Variants in TNFRSF8 observed in about 807,000 individuals in gnomAD.
TNFRSF8 encodes the protein tumor necrosis factor receptor superfamily member 8.
TNFRSF8 carries 26 observed loss-of-function variants against 70.8 expected under a neutral mutation model. The ratio of observed to expected loss-of-function variants is 0.37; its 90% confidence interval spans 0.27 to 0.51. TNFRSF8 has a LOEUF of 0.51. Among genes scored for constraint, TNFRSF8 ranks in the 20% least tolerant of loss-of-function variants. The pLI is 0.94. For missense variants in TNFRSF8, 720 were observed against 807.9 expected (o/e 0.89, Z 1.32); for synonymous variants, 356 against 339.2 (o/e 1.05, Z -0.54).
chr1:12,079,950 T>C (rs1255075960), intron 1 of TNFRSF8, among the ~76,000 whole-genome samples: 8 of 25,214 alleles, frequency 3.2e-4, no homozygotes, highest in Admixed American at 6.0e-4. Flanking sequence ...TAATTCTCTA[T>C]TTTTTTTTTT....
intron 14 of TNFRSF8, among the ~76,000 whole-genome samples, chr1:12,140,848 C>A (rs1642239172): frequency 1.3e-5 from 2 of 151,962 alleles, no homozygotes; most frequent in South Asian, 2.1e-4. Context: ...TCTGCCCATC[C>A]CCCTCTGGGC....
At chr1:12,103,676 G>A (rs1307440484) in intron 3 of TNFRSF8, among the ~76,000 whole-genome samples, 1 of 151,918 alleles carries the variant, frequency 6.6e-6, no homozygotes, top group Admixed American at 6.6e-5. Flanking sequence ...ATTTCACCAT[G>A]TTGCCCATGT....
chr1:12,138,158 G>A lies in TNFRSF8; in HGVS notation c.1336-71G>A. On this transcript the variant is annotated intron_variant, in intron 13 of 14. Coordinates refer to ENST00000263932, the MANE Select transcript of TNFRSF8 (RefSeq NM_001243.5). The surrounding 1 kb of genome is among the most constrained non-coding windows in gnomAD (Gnocchi z 5.7). The stretch of plus-strand genomic sequence containing the variant: ...GGTCTGTAGAGATGAAAAAAAAAAG[G>A]GGCCTCCCAGTTCAGAGACTGGTGG... 2 of 1,507,968 alleles carry A rather than the reference G, an allele frequency of 1.3e-6. No homozygotes were observed. Among genetic ancestry groups the A allele is most frequent in the South Asian group, 1.2e-5 (1 of 80,298 alleles). The allele number at this position is 1,507,968 out of a possible 1,614,324, so 93.4% of individuals were successfully genotyped here.
intron 1 of TNFRSF8, among the ~76,000 whole-genome samples, chr1:12,073,474 T>TTCTTTTCTTCTTCCTTCC (rs1569981630): frequency 1.4e-5 from 2 of 147,932 alleles, no homozygotes; most frequent in East Asian, 1.9e-4. Context: ...TTCTTCCTTC[T>TTCTTTTCTTCTTCCTTCC]TCTTTTCTTC....
chr1:12,104,399 C>T lies in TNFRSF8; in HGVS notation c.289C>T (p.Pro97Ser), dbSNP rs752554288. 6.2e-7 allele frequency: 1 copy of T among 1,614,124 alleles called. No homozygotes were observed. The highest frequency in any genetic ancestry group is 2.2e-5 in the East Asian group (1 of 44,878). The stretch of plus-strand genomic sequence containing the variant: ...CTTAGACGACCTCGTGGAGAAGACG[C>T]CGTGTGCATGGAACTCCTCCCGTGT... ...CSRDDLVEKT[P>S]CAWNSSRVCE... The change falls in exon 4 of 15, where the codon CCG becomes TCG. Residue 97 changes from proline to serine, a missense_variant. By Grantham distance (74) the Pro-to-Ser change is moderately conservative (BLOSUM62 -1). Transcript: ENST00000263932.
rs193261498 is a variant in TNFRSF8 at position 12,108,301 on chromosome 1, A to T, written c.422-1265A>T. Among the ~76,000 whole-genome samples the T allele has an allele frequency of 2.0e-3, 304 of 150,410 alleles. 2 individuals are homozygous for T. The highest frequency in any genetic ancestry group is 7.1e-3 in the African/African-American group (292 of 41,048). On this transcript the variant is annotated intron_variant, in intron 4 of 14. Transcript: ENST00000263932. The surrounding 1 kb of genome is among the most constrained non-coding windows in gnomAD (Gnocchi z 4.0). ...CACTATGTTGTCCAGGCTGGTCTCG[A>T]ACTCCTGACCTCATGATCCGCCCAC...
chr1:12,137,909 T>G (rs1021557115), intron 13 of TNFRSF8, among the ~76,000 whole-genome samples: 2 of 152,138 alleles, frequency 1.3e-5, no homozygotes, highest in African/African-American at 2.4e-5. Flanking sequence ...TCCTCATCTG[T>G]AAAATGGGGA....
At chr1:12,115,830 A>C in intron 8 of TNFRSF8, 101 bp downstream of exon 8, 1 of 1,339,806 alleles carries the variant, frequency 7.5e-7, no homozygotes, top group Non-Finnish European at 1.0e-6. Context: ...CAAATGACCT[A>C]CACCCTCGGC....
chr1:12,093,839 G>A (rs1356786435), intron 2 of TNFRSF8, among the ~76,000 whole-genome samples: 1 of 152,080 alleles, frequency 6.6e-6, no homozygotes. Flanking sequence ...GGAAGGCCAA[G>A]GCGGGACGGA....
At chr1:12,124,883 A>AAAACAAAACAAAACAAAAC (rs1557600784) in intron 10 of TNFRSF8, among the ~76,000 whole-genome samples, 5 of 132,016 alleles carry the variant, frequency 3.8e-5, no homozygotes, top group Admixed American at 2.9e-4. Context: ...CAAAACAAAC[A>AAAACAAAACAAAACAAAAC]AAACCCCCAA....
At chr1:12,123,450 C>G (rs978998328) in intron 9 of TNFRSF8, 73 bp downstream of exon 9, 5 of 1,420,872 alleles carry the variant, frequency 3.5e-6, no homozygotes, top group Admixed American at 4.4e-5. Context: ...CAGGGGATGC[C>G]TGGGAGGCAG....
At chr1:12,137,185 A>G (rs1344692723) in intron 13 of TNFRSF8, among the ~76,000 whole-genome samples, 1 of 152,192 alleles carries the variant, frequency 6.6e-6, no homozygotes, top group African/African-American at 2.4e-5. Context: ...GAAGCTGAGG[A>G]ATCTCAGCGC....
rs1461285031 is a variant in TNFRSF8 at position 12,138,260 on chromosome 1, C to T, written c.1367C>T (p.Pro456Leu). The T allele has an allele frequency of 8.1e-6, 13 of 1,613,548 alleles. No individual in the cohort carries two copies. The highest frequency in any genetic ancestry group is 1.1e-5 in the Non-Finnish European group (13 of 1,179,912). Reference sequence around the variant, plus strand: ...AGGAGTGGTGCGTCGGTGACAGAACCCGTCGCGGAAGAGCGAGGGTTAATG... The same window carrying T: ...AGGAGTGGTGCGTCGGTGACAGAACTCGTCGCGGAAGAGCGAGGGTTAATG... Reference protein sequence around the residue: ...QLRSGASVTEPVAEERGLMSQ... With the variant: ...QLRSGASVTELVAEERGLMSQ... Residue 456 changes from proline to leucine, a missense_variant, in exon 14 of 15, where the codon CCC becomes CTC. Physicochemically the swap from Pro to Leu is moderately conservative, Grantham distance 98. Transcript: ENST00000263932. The surrounding 1 kb of genome is among the most constrained non-coding windows in gnomAD (Gnocchi z 5.7).
At chr1:12,104,808 T>C (rs1641491466) in intron 4 of TNFRSF8, among the ~76,000 whole-genome samples, 1 of 152,036 alleles carries the variant, frequency 6.6e-6, no homozygotes, top group Non-Finnish European at 1.5e-5. Flanking sequence ...AAGGCAGAAG[T>C]TATCTGATGC....
intron 7 of TNFRSF8, among the ~76,000 whole-genome samples, chr1:12,114,506 T>C (rs560016384): frequency 6.6e-6 from 1 of 152,092 alleles, no homozygotes; most frequent in South Asian, 2.1e-4. Context: ...GGTCTCTAAG[T>C]ATCCTGCTGA....
At chr1:12,105,985 T>C (rs1472713531) in intron 4 of TNFRSF8, among the ~76,000 whole-genome samples, 1 of 151,324 alleles carries the variant, frequency 6.6e-6, no homozygotes, top group Non-Finnish European at 1.5e-5. Flanking sequence ...CACCACGGTG[T>C]CCTTCAGGTC....
chr1:12,088,014 C>T lies in TNFRSF8; in HGVS notation c.151+3463C>T, dbSNP rs77648550. On this transcript the variant is annotated intron_variant, in intron 2 of 14. Transcript: ENST00000263932. The surrounding 1 kb of genome is among the most constrained non-coding windows in gnomAD (Gnocchi z 4.0). ...CACAAAAACCCCTTCTTTGATCTCT[C>T]GGGGAAATTTCTTGACATTTTGCCT... Among the ~76,000 whole-genome samples the T allele has an allele frequency of 0.012, 1,852 of 152,172 alleles. 33 individuals carry two copies. The highest frequency in any genetic ancestry group is 0.04 in the African/African-American group (1,643 of 41,508).
chr1:12,142,330 C>A lies in TNFRSF8; in HGVS notation c.1587C>A (p.Thr529=), dbSNP rs567192538. The change falls in exon 15 of 15, where the codon ACC becomes ACA. Residue 529 remains threonine (T), a synonymous_variant. Transcript: ENST00000263932. The surrounding 1 kb of genome is among the most constrained non-coding windows in gnomAD (Gnocchi z 5.0). ...AGGCTGACACCGTGATCGTGGGGAC[C>A]GTGAAGGCTGAGCTGCCGGAGGGCC... ...IMKADTVIVG[T]VKAELPEGRG... is the part of the protein sequence containing the mutation. The A allele has an allele frequency of 5.0e-6, 8 of 1,605,868 alleles. No individual in the cohort carries two copies. The South Asian group carries it at 7.8e-5, about 16-fold the overall frequency.
intron 4 of TNFRSF8, among the ~76,000 whole-genome samples, chr1:12,107,182 G>A (rs1641540515): frequency 6.6e-6 from 1 of 152,180 alleles, no homozygotes; most frequent in South Asian, 2.1e-4. Flanking sequence ...ATCACTTGAA[G>A]TCAGGAGTTT....
Sources: allele counts gnomAD v4.1 joint callset (sites outside exome capture counted in the v4.1 genomes callset), GRCh38; gene constraint gnomAD v4.1.1; non-coding constraint Gnocchi (gnomAD v3.1); transcripts MANE v1.5; gene names NCBI Gene and HGNC (gene_info 2026-07-23, HGNC 2026-07-21).